RCAN2: variants seen among roughly 807,000 people sequenced by gnomAD.
RCAN2 encodes calcipressin-2.
Under a neutral mutation model 23.6 loss-of-function variants are expected in RCAN2, and 9 were observed. The ratio of observed to expected loss-of-function variants is 0.38; its 90% CI spans 0.23 to 0.67. RCAN2 has a LOEUF of 0.67. Among genes scored for constraint, RCAN2 ranks in the 30% least tolerant of loss-of-function variants. RCAN2 has a pLI of 0.51. For missense variants in RCAN2, 273 were observed against 302.3 expected, an observed-to-expected ratio of 0.90 and a Z score of 0.72; for synonymous variants, 109 against 115.7, an observed-to-expected ratio of 0.94 and a Z score of 0.37.
At chr6:46,363,079 T>C (rs575633271) in intron 2 of RCAN2, among the ~76,000 whole-genome samples, 29 of 152,274 alleles carry the variant, frequency 1.9e-4, no homozygotes, top group African/African-American at 5.8e-4. Flanking sequence ...ATAGAATAAT[T>C]AAATCTTCAG....
chr6:46,315,480 A>T (rs1763403889), intron 2 of RCAN2, among the ~76,000 whole-genome samples: 2 of 152,154 alleles, frequency 1.3e-5, no homozygotes, highest in African/African-American at 4.8e-5. Context: ...CAGAAGGAAG[A>T]AGATTCCAGG....
At chr6:46,400,773 G>A (rs1230922018) in intron 2 of RCAN2, among the ~76,000 whole-genome samples, 4 of 152,180 alleles carry the variant, frequency 2.6e-5, no homozygotes, top group African/African-American at 9.7e-5. Flanking sequence ...ACAGCAGCAG[G>A]GTAAAATGGT....
At chr6:46,278,608 G>T (rs1389032542) in intron 2 of RCAN2, among the ~76,000 whole-genome samples, 1 of 152,148 alleles carries the variant, frequency 6.6e-6, no homozygotes, top group Non-Finnish European at 1.5e-5. Flanking sequence ...TCCCATTAGT[G>T]TTCCTTTATA....
chr6:46,270,064 T>C (rs1447597237), intron 2 of RCAN2, among the ~76,000 whole-genome samples: 1 of 152,114 alleles, frequency 6.6e-6, no homozygotes, highest in Non-Finnish European at 1.5e-5. Flanking sequence ...GCGGGCCTGC[T>C]TGAGGATCTG....
At position 46,223,114 on chromosome 6, in the gene RCAN2, G is replaced by A. The variant is rs548900655; in HGVS notation, c.*27C>T. ...GGAAAAAGCATGATAAAGAGGAGAC[G>A]GCTATTATCGAGAAGGAGCAGGCAG... On this transcript the variant is annotated 3_prime_UTR_variant, in exon 5 of 5. Transcript: ENST00000371374. 25 of 1,610,452 alleles carry A rather than the reference G, an allele frequency of 1.6e-5. No individual in the cohort carries two copies. Among genetic ancestry groups the A allele is most frequent in the South Asian group, 9.9e-5 (9 of 90,810 alleles).
chr6:46,334,036 C>T (rs1006699441), intron 2 of RCAN2, among the ~76,000 whole-genome samples: 9 of 152,244 alleles, frequency 5.9e-5, no homozygotes, highest in African/African-American at 1.7e-4. Context: ...AGGGCCTTTG[C>T]GCTTGGCCAT....
intron 2 of RCAN2, among the ~76,000 whole-genome samples, chr6:46,333,173 A>G (rs1039066592): frequency 6.6e-6 from 1 of 151,738 alleles, no homozygotes; most frequent in Non-Finnish European, 1.5e-5. Flanking sequence ...TTTCTTGTAA[A>G]TTTGTTTAAG....
intron 2 of RCAN2, among the ~76,000 whole-genome samples, chr6:46,298,622 T>C (rs1762797527): frequency 2.0e-5 from 3 of 152,060 alleles, no homozygotes. Flanking sequence ...AATCTCTATT[T>C]AAAAAATTAC....
chr6:46,420,960 G>C (rs1766872205), intron 2 of RCAN2, among the ~76,000 whole-genome samples: 1 of 152,172 alleles, frequency 6.6e-6, no homozygotes, highest in Non-Finnish European at 1.5e-5. Flanking sequence ...GCACTAAGGA[G>C]GCTGAGATGA....
chr6:46,412,332 G>T (rs1320180798), intron 2 of RCAN2, among the ~76,000 whole-genome samples: 1 of 152,126 alleles, frequency 6.6e-6, no homozygotes, highest in Non-Finnish European at 1.5e-5. Context: ...TTGAGAAGAA[G>T]TTCCAACTTA....
chr6:46,342,924 A>G (rs1292265501), intron 2 of RCAN2, among the ~76,000 whole-genome samples: 3 of 152,198 alleles, frequency 2.0e-5, no homozygotes, highest in Middle Eastern at 6.3e-3. Context: ...GTGGGACAAT[A>G]TAAAGTATTC....
intron 2 of RCAN2, among the ~76,000 whole-genome samples, chr6:46,450,909 AG>A (rs1232146766): frequency 1.3e-5 from 2 of 152,124 alleles, no homozygotes; most frequent in Admixed American, 1.3e-4. Context: ...CTAAGAAGGT[AG>A]ATTTTATATA....
At chr6:46,246,361 T>C (rs1345625099) in intron 4 of RCAN2, among the ~76,000 whole-genome samples, 1 of 152,170 alleles carries the variant, frequency 6.6e-6, no homozygotes, top group East Asian at 1.9e-4. Context: ...GTGACAGCAA[T>C]AAAACTGGGT....
At chr6:46,251,333 A>G (rs1766706979) in intron 2 of RCAN2, among the ~76,000 whole-genome samples, 1 of 152,206 alleles carries the variant, frequency 6.6e-6, no homozygotes, top group African/African-American at 2.4e-5. Context: ...TTTCCTCACA[A>G]TGAGAGTACT....
At chr6:46,474,021 G>C (rs957296984) in intron 1 of RCAN2, among the ~76,000 whole-genome samples, 1 of 152,146 alleles carries the variant, frequency 6.6e-6, no homozygotes, top group African/African-American at 2.4e-5. Context: ...TGGAGGAGAG[G>C]CACTGTGATT....
chr6:46,491,170 G>T lies in RCAN2; in HGVS notation c.-3+3C>A. On this transcript the variant is annotated splice_donor_region_variant and intron_variant, in intron 1 of 4. Coordinates refer to ENST00000371374, the MANE Select transcript of RCAN2 (RefSeq NM_001251974.2). ...GCCTGGCCGGCGCGGTTACATAACC[G>T]ACCTGCTGGGCGTCCGCGATGCGCC... The T allele has an allele frequency of 6.6e-6, 1 of 151,862 alleles. No individual in the cohort carries two copies. The highest frequency in any genetic ancestry group is 1.9e-4 in the South Asian group (1 of 5,156). 9.4% of individuals were successfully genotyped at this position (151,862 alleles called of 1,614,324 possible).
At chr6:46,394,891 T>C (rs1163959047) in intron 2 of RCAN2, among the ~76,000 whole-genome samples, 4 of 152,154 alleles carry the variant, frequency 2.6e-5, no homozygotes, top group African/African-American at 9.7e-5. Context: ...ATAGGAATCT[T>C]ATATTTTGAA....
chr6:46,375,042 C>T (rs751376100), intron 2 of RCAN2, among the ~76,000 whole-genome samples: 1 of 152,030 alleles, frequency 6.6e-6, no homozygotes, highest in Non-Finnish European at 1.5e-5. Flanking sequence ...CAGTAGCTGG[C>T]ATTACAGCCA....
At chr6:46,243,500 G>C (rs554692674) in intron 4 of RCAN2, among the ~76,000 whole-genome samples, 1 of 152,214 alleles carries the variant, frequency 6.6e-6, no homozygotes, top group East Asian at 1.9e-4. Flanking sequence ...TGGAAGTTTA[G>C]ATTGGTGTTT....
Sources: allele counts gnomAD v4.1 joint callset (sites outside exome capture counted in the v4.1 genomes callset), GRCh38; gene constraint gnomAD v4.1.1; transcripts MANE v1.5; gene names NCBI Gene and HGNC (gene_info 2026-07-23, HGNC 2026-07-21).